LAMA2: variants seen among roughly 807,000 people sequenced by gnomAD.
LAMA2 encodes laminin subunit alpha-2.
Under a neutral mutation model 364.8 loss-of-function variants are expected in LAMA2, and 269 were observed. The observed-to-expected ratio is 0.74, with a 90% CI of 0.67 to 0.82. The LOEUF (loss-of-function observed/expected upper bound fraction) is 0.82, where lower values mean the gene tolerates loss of function less well. Ranked by LOEUF, LAMA2 falls within the 40% of genes least tolerant of loss-of-function variation. The pLI is 0.00. For missense variants in LAMA2, 3,807 were observed against 3,873.2 expected (o/e 0.98, Z 0.45); for synonymous variants, 1,379 against 1,370.6 (o/e 1.01, Z -0.14).
intron 24 of LAMA2, among the ~76,000 whole-genome samples, chr6:129,315,251 G>A (rs189575615): frequency 2.2e-4 from 33 of 152,254 alleles, no homozygotes; most frequent in Admixed American, 2.0e-3. Flanking sequence ...TTGTGTTAGT[G>A]TGAAAGGCTC....
chr6:129,275,070 G>A (rs936713752), intron 17 of LAMA2, among the ~76,000 whole-genome samples: 4 of 151,990 alleles, frequency 2.6e-5, no homozygotes, highest in African/African-American at 9.7e-5. Context: ...TGAAATTTAA[G>A]TTTTTGAAAG....
At chr6:128,931,017 C>A (rs185756166) in intron 1 of LAMA2, among the ~76,000 whole-genome samples, 4 of 152,058 alleles carry the variant, frequency 2.6e-5, no homozygotes, top group African/African-American at 7.2e-5. Context: ...CTCTATGAGG[C>A]TTTTTCTGGA....
chr6:129,197,646 A>G (rs1395972459), intron 12 of LAMA2, among the ~76,000 whole-genome samples: 2 of 152,262 alleles, frequency 1.3e-5, no homozygotes, highest in South Asian at 2.1e-4. Flanking sequence ...GCTGTGTCAC[A>G]GGCCATGGTC....
chr6:129,294,751 G>T (rs1024117507), intron 20 of LAMA2, among the ~76,000 whole-genome samples: 21 of 152,150 alleles, frequency 1.4e-4, no homozygotes, highest in African/African-American at 4.8e-4. Context: ...ATCGGATGAG[G>T]CGCCTCCAAG....
At chr6:128,902,546 G>C (rs1777154439) in intron 1 of LAMA2, among the ~76,000 whole-genome samples, 1 of 152,192 alleles carries the variant, frequency 6.6e-6, no homozygotes, top group South Asian at 2.1e-4. Context: ...TGGGGCCAAA[G>C]TGACAAAAGT....
rs1226441435 is a variant in LAMA2 at position 129,177,725 on chromosome 6, T to G, written c.1326T>G (p.Cys442Trp). 4.3e-6 allele frequency: 7 copies of G among 1,614,032 alleles called. No homozygotes were observed. Among genetic ancestry groups the G allele is most frequent in the Non-Finnish European group, 5.9e-6 (7 of 1,179,950 alleles). The change falls in exon 10 of 65, where the codon TGT becomes TGG. Residue 442 changes from cysteine to tryptophan, a missense_variant. By Grantham distance (215) the Cys-to-Trp change is radical (BLOSUM62 -2). Around this residue, in one of 3 missense-constraint regions of LAMA2, gnomAD observed 3,333 missense variants for 3,345.7 expected, o/e 1.00. Transcript: ENST00000421865. Reference sequence around the variant, plus strand: ...CTTTAGGTTTGGCACCTGGATCCTGTCATTGCAAAACTGGTTTTGGAGGTG... The same window carrying G: ...CTTTAGGTTTGGCACCTGGATCCTGGCATTGCAAAACTGGTTTTGGAGGTG... ...HARRGLAPGSCHCKTGFGGVS... is the reference protein window; with the variant it reads ...HARRGLAPGSWHCKTGFGGVS...
At chr6:129,420,625 T>G (rs973082419) in intron 40 of LAMA2, among the ~76,000 whole-genome samples, 4 of 152,004 alleles carry the variant, frequency 2.6e-5, no homozygotes, top group Non-Finnish European at 5.9e-5. Flanking sequence ...AAACAGAAAA[T>G]AAATATTTTA....
At chr6:128,953,767 G>C (rs1352702720) in intron 1 of LAMA2, among the ~76,000 whole-genome samples, 1 of 151,988 alleles carries the variant, frequency 6.6e-6, no homozygotes, top group African/African-American at 2.4e-5. Flanking sequence ...CTGATAAAAG[G>C]ACAATTTTTG....
intron 12 of LAMA2, among the ~76,000 whole-genome samples, chr6:129,244,015 G>A (rs1785571445): frequency 6.6e-6 from 1 of 151,890 alleles, no homozygotes; most frequent in Non-Finnish European, 1.5e-5. Flanking sequence ...TTTTCCTCGA[G>A]GTTTTTTATT....
At chr6:129,331,813 A>C (rs1226580907) in intron 29 of LAMA2, among the ~76,000 whole-genome samples, 1 of 151,634 alleles carries the variant, frequency 6.6e-6, no homozygotes, top group Admixed American at 6.6e-5. Context: ...ACAGGCTATC[A>C]CCTCCTCTTC....
At chr6:129,185,063 C>G (rs1781152907) in intron 10 of LAMA2, among the ~76,000 whole-genome samples, 1 of 151,828 alleles carries the variant, frequency 6.6e-6, no homozygotes, top group Non-Finnish European at 1.5e-5. Flanking sequence ...CTGTAATTAA[C>G]TACAAACTAC....
intron 51 of LAMA2, among the ~76,000 whole-genome samples, chr6:129,468,585 A>G (rs190427860): frequency 6.6e-6 from 1 of 152,090 alleles, no homozygotes; most frequent in East Asian, 1.9e-4. Context: ...CTTCTTACAT[A>G]AAGTTGAAAA....
At chr6:128,885,879 C>T (rs1267835208) in intron 1 of LAMA2, among the ~76,000 whole-genome samples, 1 of 152,076 alleles carries the variant, frequency 6.6e-6, no homozygotes, top group Non-Finnish European at 1.5e-5. Context: ...AATTCTTTAG[C>T]TATATTTAAA....
At chr6:129,313,997 A>G (rs1008806640) in intron 23 of LAMA2, among the ~76,000 whole-genome samples, 8 of 152,228 alleles carry the variant, frequency 5.3e-5, no homozygotes, top group Non-Finnish European at 1.2e-4. Context: ...TACAGCTTAC[A>G]ATAGCACCAC....
intron 1 of LAMA2, among the ~76,000 whole-genome samples, chr6:129,012,951 C>A (rs1475921501): frequency 2.0e-5 from 3 of 152,090 alleles, no homozygotes; most frequent in Non-Finnish European, 1.5e-5. Context: ...TACAGTGATT[C>A]CTCAATGAGC....
chr6:128,913,587 A>G (rs1778120839), intron 1 of LAMA2, among the ~76,000 whole-genome samples: 1 of 152,210 alleles, frequency 6.6e-6, no homozygotes, highest in Non-Finnish European at 1.5e-5. Context: ...GCTTATTGCA[A>G]CACAGTGACC....
At chr6:128,965,978 G>GATTTTTT (rs1327617874) in intron 1 of LAMA2, among the ~76,000 whole-genome samples, 1 of 122,672 alleles carries the variant, frequency 8.2e-6, no homozygotes, top group African/African-American at 3.4e-5. Flanking sequence ...GTAAACCAGA[G>GATTTTTT]GTTTTTTTTT....
intron 1 of LAMA2, among the ~76,000 whole-genome samples, chr6:128,990,163 ATTAGATT>A (rs1449657317): frequency 6.6e-6 from 1 of 152,192 alleles, no homozygotes. Flanking sequence ...AGGAGTGTTT[ATTAGATT>A]CTGTTGTATA....
At chr6:128,934,703 T>A (rs981366936) in intron 1 of LAMA2, among the ~76,000 whole-genome samples, 11 of 152,092 alleles carry the variant, frequency 7.2e-5, no homozygotes, top group African/African-American at 2.7e-4. Context: ...GAGATGGGGT[T>A]TTGCTATGTT....
Sources: gnomAD v4.1 joint callset for allele counts (sites outside exome capture counted in the v4.1 genomes callset) on GRCh38, gnomAD v4.1.1 for gene constraint, gnomAD v4.1.1 regional missense constraint, MANE v1.5 for transcripts, NCBI Gene and HGNC (gene_info 2026-07-23, HGNC 2026-07-21) for gene names.